CPB1: variants seen among roughly 807,000 people sequenced by gnomAD.
CPB1 encodes carboxypeptidase B1.
A neutral mutation model predicts 51.4 loss-of-function variants in CPB1; 53 were observed. The observed-to-expected ratio is 1.03, with a 90% CI of 0.83 to 1.30. The LOEUF is 1.30. Among genes scored for constraint, CPB1 ranks in the 50% most tolerant of loss-of-function variants. The pLI, the probability that CPB1 is intolerant of heterozygous loss-of-function variation, is 0.00. For missense variants in CPB1, 494 were observed against 516.2 expected (o/e 0.96, Z 0.42); for synonymous variants, 189 against 186.9 (o/e 1.01, Z -0.09).
At chr3:148,831,488 A>G (rs1240639683) in intron 2 of CPB1, among the ~76,000 whole-genome samples, 1 of 152,234 alleles carries the variant, frequency 6.6e-6, no homozygotes, top group East Asian at 1.9e-4. Flanking sequence ...TGAAGAAAAA[A>G]AGATCCCCAA....
chr3:148,847,474 C>T (rs1326767880), intron 9 of CPB1, among the ~76,000 whole-genome samples: 1 of 149,650 alleles, frequency 6.7e-6, no homozygotes, highest in Non-Finnish European at 1.5e-5. Context: ...GTAAAAGAAC[C>T]AAGCCTCAGA....
At position 148,845,410 on chromosome 3, in the gene CPB1, A is replaced by G. The variant is rs781250684; in HGVS notation, c.779-14A>G. On this transcript the variant is annotated splice_polypyrimidine_tract_variant and intron_variant, in intron 8 of 10. Transcript: ENST00000282957. ...CTAGGTGATCCTTGCCATTAACATC[A>G]TATGTTTTTCCAGAAATTGGAGCCT... The G allele has an allele frequency of 3.7e-6, 6 of 1,611,978 alleles. No individual in the cohort carries two copies. Among genetic ancestry groups the G allele is most frequent in the South Asian group, 3.3e-5 (3 of 91,046 alleles).
chr3:148,849,353 C>T (rs1370139731), intron 9 of CPB1, among the ~76,000 whole-genome samples: 4 of 151,966 alleles, frequency 2.6e-5, no homozygotes, highest in Admixed American at 2.0e-4. Context: ...TTGCCACTAC[C>T]GTCAAAGGAA....
chr3:148,833,115 C>T (rs1712789458), intron 2 of CPB1, among the ~76,000 whole-genome samples: 1 of 152,224 alleles, frequency 6.6e-6, no homozygotes. Flanking sequence ...CCCTTGCTTT[C>T]TCTGTCCTTA....
At chr3:148,831,984 C>T (rs957562134) in intron 2 of CPB1, among the ~76,000 whole-genome samples, 4 of 152,148 alleles carry the variant, frequency 2.6e-5, no homozygotes, top group Non-Finnish European at 5.9e-5. Flanking sequence ...GTATCAGAGA[C>T]TAACTCCAGT....
In CPB1 at chr3:148,834,527, A is replaced by G; in HGVS notation, c.177A>G (p.Thr59=). ...ACTTCTGGAAGCCAGATTCTGTCAC[A>G]CAAATCAAACCTCACAGTACAGTTG... is the stretch of plus-strand genomic sequence containing the variant. ...QIDFWKPDSV[T]QIKPHSTVDF... is the part of the protein sequence containing the mutation. The change falls in exon 3 of 11, where the codon ACA becomes ACG. Residue 59 remains threonine, a synonymous_variant. Coordinates refer to ENST00000282957, the MANE Select transcript of CPB1 (RefSeq NM_001871.3). 2 of 1,613,796 alleles carry G rather than the reference A, an allele frequency of 1.2e-6. No homozygotes were observed. The highest frequency in any genetic ancestry group is 2.2e-5 in the East Asian group (1 of 44,874).
At chr3:148,838,858 T>G (rs1342478258) in intron 3 of CPB1, among the ~76,000 whole-genome samples, 1 of 152,234 alleles carries the variant, frequency 6.6e-6, no homozygotes, top group African/African-American at 2.4e-5. Flanking sequence ...ATCTTTTGAT[T>G]CCTCATTCAT....
chr3:148,844,808 A>T, intron 8 of CPB1, 41 bp downstream of exon 8: 1 of 1,550,266 alleles, frequency 6.5e-7, no homozygotes, highest in Non-Finnish European at 8.9e-7. Context: ...TCCATTGAAA[A>T]ACATAAGAGG....
intron 3 of CPB1, among the ~76,000 whole-genome samples, chr3:148,840,207 A>G (rs946594325): frequency 1.3e-4 from 20 of 152,324 alleles, no homozygotes; most frequent in African/African-American, 4.6e-4. Flanking sequence ...GAACCTAGAG[A>G]CAGGTCCAAA....
intron 9 of CPB1, 61 bp from the exon 10 acceptor site, chr3:148,857,396 G>C: frequency 8.0e-7 from 1 of 1,249,068 alleles, no homozygotes; most frequent in Non-Finnish European, 1.2e-6. Flanking sequence ...ATAATGTACA[G>C]GGCATTTGTT....
At chr3:148,849,435 C>T (rs573707540) in intron 9 of CPB1, among the ~76,000 whole-genome samples, 7 of 152,242 alleles carry the variant, frequency 4.6e-5, no homozygotes, top group Admixed American at 4.6e-4. Context: ...ATATTGAATT[C>T]TGTGACCTTG....
At chr3:148,842,352 T>A (rs1713111532) in intron 6 of CPB1, among the ~76,000 whole-genome samples, 1 of 152,242 alleles carries the variant, frequency 6.6e-6, no homozygotes, top group Non-Finnish European at 1.5e-5. Flanking sequence ...ACCAATTTGA[T>A]CATTATCTCT....
intron 3 of CPB1, among the ~76,000 whole-genome samples, chr3:148,835,574 C>G (rs1712881015): frequency 6.6e-6 from 1 of 152,044 alleles, no homozygotes; most frequent in South Asian, 2.1e-4. Flanking sequence ...GTGGGAGAGA[C>G]CATGCTAACC....
At chr3:148,858,791 T>G (rs1045115870) in intron 10 of CPB1, among the ~76,000 whole-genome samples, 2 of 152,108 alleles carry the variant, frequency 1.3e-5, no homozygotes, top group Non-Finnish European at 2.9e-5. Context: ...GGCCTCATTT[T>G]CAATTTCTAC....
In CPB1 at chr3:148,845,358, GT is replaced by G. The variant is rs1713204619; in HGVS notation, c.779-63del. 6 of 1,478,326 alleles carry G rather than the reference GT, an allele frequency of 4.1e-6. No homozygotes were observed. The South Asian group carries it at 6.9e-5, about 17-fold the overall frequency. 91.6% of individuals were successfully genotyped at this position (1,478,326 alleles called of 1,614,324 possible). A position where few individuals can be genotyped will look rare whatever the true frequency, so the allele number is the denominator to read the frequency against. On this transcript the variant is annotated intron_variant, in intron 8 of 10. Transcript: ENST00000282957. ...ATGAAAACAACTCCCTAATTTGAAA[GT>G]TTAAAACATCCCCACAAGAACTTCA...
chr3:148,847,958 A>T (rs1262372717), intron 9 of CPB1, among the ~76,000 whole-genome samples: 2 of 152,192 alleles, frequency 1.3e-5, no homozygotes. Context: ...ATCTTAAAAG[A>T]AATATTTAAA....
At chr3:148,854,146 C>T (rs1235994828) in intron 9 of CPB1, 1 of 152,168 alleles carries the variant, frequency 6.6e-6, no homozygotes, top group Non-Finnish European at 1.5e-5. Context: ...GCAAGAATTA[C>T]CTTTCTCTCT....
chr3:148,857,062 G>GTTTTTTTTTTTTTTTTT (rs35574359), intron 9 of CPB1: 76 of 48,036 alleles, frequency 1.6e-3, no homozygotes, highest in African/African-American at 2.7e-3. Flanking sequence ...ATTGCCAAGT[G>GTTTTTTTTTTTTTTTTT]TTTTTTTTTT....
chr3:148,841,717 T>G lies in CPB1; in HGVS notation c.475-106T>G, dbSNP rs892645792. 1.9e-5 allele frequency: 14 copies of G among 726,810 alleles called. No homozygotes were observed. The East Asian group carries it at 3.5e-4, about 18-fold the overall frequency. 45.0% of individuals were successfully genotyped at this position (726,810 alleles called of 1,614,324 possible). On this transcript the variant is annotated intron_variant, in intron 5 of 10. Transcript: ENST00000282957. ...AATCATGGGATCCAGCTCTTGCTGC[T>G]GTCGGGTTTCACTTGTTGAGTCTCA...
Sources: allele counts gnomAD v4.1 joint callset (sites outside exome capture counted in the v4.1 genomes callset), GRCh38; gene constraint gnomAD v4.1.1; transcripts MANE v1.5; gene names NCBI Gene and HGNC (gene_info 2026-07-23, HGNC 2026-07-21).